The following RANBP2 variants were observed in gnomAD, a reference collection of about 807,000 sequenced individuals.
RANBP2 encodes the protein E3 SUMO-protein ligase RanBP2.
Under a neutral mutation model 303.6 loss-of-function variants are expected in RANBP2, and 57 were observed. The observed-to-expected ratio is 0.19, with a 90% CI of 0.15 to 0.23. The LOEUF is 0.23. Among genes scored for constraint, RANBP2 ranks in the 10% least tolerant of loss-of-function variants. The pLI, the probability that RANBP2 is intolerant of heterozygous loss-of-function variation, is 1.00. For missense variants in RANBP2, 3,138 were observed against 3,780.8 expected, an observed-to-expected ratio of 0.83 and a Z score of 4.46; for synonymous variants, 1,167 against 1,301.5, an observed-to-expected ratio of 0.90 and a Z score of 2.23.
At chr2:109,404,697 C>T in the RANBP2 span, among the ~76,000 whole-genome samples, 16 of 152,200 alleles carry the variant, frequency 1.1e-4, no homozygotes, top group African/African-American at 3.4e-4. Flanking sequence ...AGCACCTTTG[C>T]GGAAGGCCCA....
the RANBP2 span, among the ~76,000 whole-genome samples, chr2:109,203,093 A>G: frequency 1.3e-5 from 2 of 152,190 alleles, no homozygotes; most frequent in Admixed American, 1.3e-4. Flanking sequence ...AGCCTGGAAC[A>G]CTGGTGGCCC....
the RANBP2 span, among the ~76,000 whole-genome samples, chr2:109,765,779 G>A: frequency 1.3e-5 from 2 of 151,182 alleles, no homozygotes; most frequent in South Asian, 2.1e-4. Context: ...ATGCTGCCCA[G>A]TAGTGCCCGC....
chr2:108,779,087 T>C (rs1394093270), intron 25 of RANBP2, among the ~76,000 whole-genome samples: 2 of 152,148 alleles, frequency 1.3e-5, no homozygotes, highest in Non-Finnish European at 2.9e-5. Flanking sequence ...GTGGTTACTG[T>C]TCTCAGGAAG....
intron 22 of RANBP2, 108 bp from the exon 23 acceptor site, chr2:108,772,760 G>A (rs780412759): frequency 1.2e-5 from 15 of 1,289,500 alleles, no homozygotes; most frequent in Non-Finnish European, 1.5e-5. Context: ...TCATTAGTAT[G>A]TACAGGTCTT....
the RANBP2 span, among the ~76,000 whole-genome samples, chr2:109,448,711 T>C: frequency 1.8e-3 from 281 of 152,282 alleles, no homozygotes; most frequent in African/African-American, 6.6e-3. Flanking sequence ...TATTACAATG[T>C]AGTAATAATA....
At chr2:108,820,497 A>C in the RANBP2 span, among the ~76,000 whole-genome samples, 1 of 152,000 alleles carries the variant, frequency 6.6e-6, no homozygotes, top group African/African-American at 2.4e-5. Context: ...AACTCAAGGA[A>C]CTCCAGAGAG....
the RANBP2 span, among the ~76,000 whole-genome samples, chr2:109,179,003 A>ATATGTGTG: frequency 7.0e-6 from 1 of 142,066 alleles, no homozygotes; most frequent in Non-Finnish European, 1.6e-5. Flanking sequence ...AAGTATAATA[A>ATATGTGTG]TGTGTGTGTG....
chr2:109,275,227 C>G, the RANBP2 span, among the ~76,000 whole-genome samples: 1 of 152,212 alleles, frequency 6.6e-6, no homozygotes, highest in Non-Finnish European at 1.5e-5. Context: ...TGAGGCCCCG[C>G]AGAGGCTGCC....
At chr2:109,507,225 A>C in the RANBP2 span, among the ~76,000 whole-genome samples, 1 of 152,078 alleles carries the variant, frequency 6.6e-6, no homozygotes, top group Non-Finnish European at 1.5e-5. Context: ...ATGCCAGCTG[A>C]GGCTTGAGAT....
At chr2:109,174,802 G>A in the RANBP2 span, among the ~76,000 whole-genome samples, 56 of 152,338 alleles carry the variant, frequency 3.7e-4, no homozygotes, top group Middle Eastern at 3.4e-3. Context: ...AGACCCATGA[G>A]GGCAGGGGCT....
chr2:109,518,275 C>T, the RANBP2 span, among the ~76,000 whole-genome samples: 1 of 152,224 alleles, frequency 6.6e-6, no homozygotes, highest in Non-Finnish European at 1.5e-5. Context: ...ACAGGCCGGC[C>T]CTCCAGGGTG....
At chr2:108,840,131 A>C in the RANBP2 span, among the ~76,000 whole-genome samples, 1 of 152,058 alleles carries the variant, frequency 6.6e-6, no homozygotes, top group Non-Finnish European at 1.5e-5. Flanking sequence ...TTTCATCTTT[A>C]ACTTGTTAAT....
the RANBP2 span, among the ~76,000 whole-genome samples, chr2:109,012,742 A>G: frequency 0.018 from 2,720 of 152,204 alleles, 73 homozygotes; most frequent in African/African-American, 0.057. Context: ...GTGAAACCCC[A>G]TCTCTACTAA....
the RANBP2 span, among the ~76,000 whole-genome samples, chr2:109,035,859 A>G: frequency 7.9e-5 from 12 of 152,326 alleles, no homozygotes; most frequent in African/African-American, 2.6e-4. Flanking sequence ...TAAACACCCA[A>G]AACTACAAAC....
rs1192367950 is a variant in RANBP2, at chr2:108,785,408, G to A, written c.*1507G>A. The stretch of plus-strand genomic sequence containing the variant: ...AATATAAACTGATGTAAAGTGTGTT[G>A]TAACTTTTCAGCTGAGACAGTTGAT... On this transcript the variant is annotated 3_prime_UTR_variant, in exon 29 of 29. Transcript: ENST00000283195. 1 of 152,140 alleles carries A rather than the reference G, an allele frequency of 6.6e-6. No homozygotes were observed. Among genetic ancestry groups the A allele is most frequent in the Non-Finnish European group, 1.5e-5 (1 of 67,996 alleles). 9.4% of individuals were successfully genotyped at this position (152,140 alleles called of 1,614,324 possible).
the RANBP2 span, among the ~76,000 whole-genome samples, chr2:109,697,113 C>T: frequency 2.0e-5 from 3 of 152,166 alleles, no homozygotes. Flanking sequence ...CTCTCAGTGT[C>T]TTGAAGTTTT....
chr2:109,510,278 G>T, the RANBP2 span, among the ~76,000 whole-genome samples: 1 of 152,224 alleles, frequency 6.6e-6, no homozygotes, highest in African/African-American at 2.4e-5. Flanking sequence ...CTCTCAAGGG[G>T]TGTTTAGATG....
the RANBP2 span, among the ~76,000 whole-genome samples, chr2:109,420,305 G>A: frequency 8.5e-5 from 13 of 152,176 alleles, no homozygotes; most frequent in Non-Finnish European, 1.8e-4. Flanking sequence ...GACTGTGTTA[G>A]GGTGAAGTCT....
the RANBP2 span, among the ~76,000 whole-genome samples, chr2:109,051,110 A>G: frequency 3.9e-5 from 6 of 152,196 alleles, no homozygotes; most frequent in Non-Finnish European, 7.3e-5. Flanking sequence ...TTTGGACACC[A>G]ATCGCAGAGC....
Sources: gnomAD v4.1 joint callset for allele counts (sites outside exome capture counted in the v4.1 genomes callset) on GRCh38, gnomAD v4.1.1 for gene constraint, MANE v1.5 for transcripts, NCBI Gene and HGNC (gene_info 2026-07-23, HGNC 2026-07-21) for gene names.